The following CCDC57 variants were observed in gnomAD, a reference collection of about 807,000 sequenced individuals.
CCDC57 encodes the protein coiled-coil domain-containing protein 57.
Under a neutral mutation model 118.9 loss-of-function variants are expected in CCDC57, and 118 were observed. That is an observed-to-expected ratio of 0.99 (90% CI 0.86 to 1.16). The LOEUF (loss-of-function observed/expected upper bound fraction) is 1.16. CCDC57 is among the 50% of genes most tolerant of loss of function. The probability of loss-of-function intolerance (pLI) is 0.00; values close to 1 mark genes in which losing one functional copy is unlikely to be tolerated. For synonymous variants in CCDC57, 527 were observed against 532.9 expected (o/e 0.99, Z 0.15); for missense variants, 1,300 against 1,320.7 (o/e 0.98, Z 0.24).
At chr17:82,154,019 G>T (rs58472289) in intron 15 of CCDC57, 36,914 of 152,590 alleles carry the variant, frequency 0.24, 5,238 homozygotes, top group Non-Finnish European at 0.32. Flanking sequence ...AACGCCTCTC[G>T]GCAGAGCCAG....
At chr17:82,198,992 CA>C (rs34649384) in intron 3 of CCDC57, among the ~76,000 whole-genome samples, 37,474 of 86,394 alleles carry the variant, frequency 0.43, 4,375 homozygotes, top group East Asian at 0.72. Flanking sequence ...GACTCCATCT[CA>C]AAAAAAAAAA....
At position 82,172,942 on chromosome 17, in the gene CCDC57, C is replaced by G; in HGVS notation, c.1507-82G>C. 1 of 1,318,248 alleles carries G rather than the reference C, an allele frequency of 7.6e-7. No homozygotes were observed. The allele number at this position is 1,318,248 out of a possible 1,614,324, so 81.7% of individuals were successfully genotyped here. The stretch of plus-strand genomic sequence containing the variant: ...TGACAGGCTGTGCCTCCGCTCTCCC[C>G]GCGCCCCTCTCGGGCCGGTCCCCCG... On this transcript the variant is annotated intron_variant, in intron 11 of 19. Coordinates refer to ENST00000665763, the Ensembl canonical transcript of CCDC57. This position sits in a 1 kb window ranked among gnomAD's most constrained non-coding sequence, Gnocchi z 5.2.
rs546611030 is a variant in CCDC57, at chr17:82,106,620, C to T, written c.2900-4754G>A. ...GTGACAGGCAGCGGCTGAGCTGGGG[C>T]GACAGGAAGTGGCAGCTGTCTCCGC... is the stretch of plus-strand genomic sequence containing the variant. On this transcript the variant is annotated intron_variant, in intron 19 of 19. Transcript: ENST00000665763. The T allele has an allele frequency of 5.5e-4, 84 of 152,478 alleles. 1 individual carries two copies. The South Asian group carries it at 0.014, about 25-fold the overall frequency. 9.4% of individuals were successfully genotyped at this position (152,478 alleles called of 1,614,324 possible). A position where few individuals can be genotyped will look rare whatever the true frequency, so the allele number is the denominator to read the frequency against.
At chr17:82,103,302 C>CACAGTCAT (rs1307783884) in intron 19 of CCDC57, among the ~76,000 whole-genome samples, 2 of 152,146 alleles carry the variant, frequency 1.3e-5, no homozygotes, top group Admixed American at 6.5e-5. Context: ...GTTGGGGTCA[C>CACAGTCAT]ACAGTCCCTG....
chr17:82,194,079 T>A (rs373266285), exon 6 of CCDC57: 11 of 1,613,780 alleles, frequency 6.8e-6, no homozygotes, highest in African/African-American at 4.0e-5. Flanking sequence ...CTCTGCAGAC[T>A]CTCTGCAGCC....
chr17:82,186,467 A>G (rs889361582), intron 8 of CCDC57, among the ~76,000 whole-genome samples: 6 of 152,080 alleles, frequency 3.9e-5, no homozygotes, highest in Non-Finnish European at 5.9e-5. Context: ...CGCCCCGCAC[A>G]CCGACCGCAG....
chr17:82,163,931 T>C (rs1368454881), intron 13 of CCDC57, among the ~76,000 whole-genome samples: 1 of 152,140 alleles, frequency 6.6e-6, no homozygotes, highest in Admixed American at 6.5e-5. Context: ...TCTCATCACG[T>C]TGGGAGGCTG....
intron 19 of CCDC57, among the ~76,000 whole-genome samples, chr17:82,125,280 G>A (rs188566285): frequency 3.0e-3 from 457 of 152,286 alleles, no homozygotes; most frequent in Non-Finnish European, 5.4e-3. Flanking sequence ...ACTCACGCCT[G>A]CAGTCTCAGC....
chr17:82,121,674 G>A (rs886135369), intron 19 of CCDC57, among the ~76,000 whole-genome samples: 4 of 152,332 alleles, frequency 2.6e-5, no homozygotes, highest in African/African-American at 7.2e-5. Context: ...CCTGAGGCCC[G>A]TTGACCTGGG....
At position 82,172,341 on chromosome 17, in the gene CCDC57, G is replaced by A. The variant is rs1329941827; in HGVS notation, c.1729+297C>T. On this transcript the variant is annotated intron_variant, in intron 12 of 19. Transcript: ENST00000665763. The surrounding 1 kb of genome is among the most constrained non-coding windows in gnomAD (Gnocchi z 5.2). ...TGCTACCAACCCATTCTGGGACAGCGCGACAGCAAGCCAGCCCTGGTCCAG... is the reference window on the plus strand; with the variant it reads ...TGCTACCAACCCATTCTGGGACAGCACGACAGCAAGCCAGCCCTGGTCCAG... 2.0e-5 allele frequency among the ~76,000 whole-genome samples: 3 copies of A among 152,232 alleles called. No individual in the cohort carries two copies. The highest frequency in any genetic ancestry group is 4.4e-5 in the Non-Finnish European group (3 of 68,038).
intron 5 of CCDC57, 102 bp from the exon 5 acceptor site, chr17:82,194,241 A>T: frequency 8.1e-7 from 1 of 1,235,384 alleles, no homozygotes; most frequent in Non-Finnish European, 1.1e-6. Flanking sequence ...AGGGAGAAGA[A>T]AAATGAAAAT....
At chr17:82,151,521 A>T (rs2042070630) in intron 16 of CCDC57, 39 bp downstream of exon 15, 1 of 1,541,938 alleles carries the variant, frequency 6.5e-7, no homozygotes, top group Non-Finnish European at 8.8e-7. Flanking sequence ...CCAGAACCTG[A>T]CCCACACTCA....
rs1187152021 is a variant in CCDC57 at position 82,118,676 on chromosome 17, T to G, written c.2899+9016A>C. Among the ~76,000 whole-genome samples, 1 of 152,100 alleles carries G rather than the reference T, an allele frequency of 6.6e-6. No individual in the cohort carries two copies. Among genetic ancestry groups the G allele is most frequent in the Non-Finnish European group, 1.5e-5 (1 of 68,012 alleles). On this transcript the variant is annotated intron_variant, in intron 19 of 19. Transcript: ENST00000665763. This position sits in a 1 kb window ranked among gnomAD's most constrained non-coding sequence, Gnocchi z 4.7. ...TGAGGTCAGACATCTGCCTGGGTGCTTCTCTGGAACTGCCTTAGGGAGAGC... is the reference window on the plus strand; with the variant it reads ...TGAGGTCAGACATCTGCCTGGGTGCGTCTCTGGAACTGCCTTAGGGAGAGC...
At chr17:82,131,298 G>T (rs549863077) in intron 17 of CCDC57, among the ~76,000 whole-genome samples, 1 of 151,910 alleles carries the variant, frequency 6.6e-6, no homozygotes, top group South Asian at 2.1e-4. Context: ...GTGTCTGGTG[G>T]TGTGTGCCTG....
At chr17:82,196,735 G>A (rs182044083) in intron 4 of CCDC57, among the ~76,000 whole-genome samples, 7 of 152,002 alleles carry the variant, frequency 4.6e-5, no homozygotes, top group Admixed American at 4.6e-4. Flanking sequence ...TATTACACCT[G>A]CACCTGCAGA....
intron 16 of CCDC57, among the ~76,000 whole-genome samples, chr17:82,149,545 G>A (rs1375714034): frequency 6.6e-6 from 1 of 152,110 alleles, no homozygotes; most frequent in African/African-American, 2.4e-5. Context: ...TTGCTAACCT[G>A]CGGTGTTGTT....
intron 19 of CCDC57, among the ~76,000 whole-genome samples, chr17:82,120,417 C>A (rs866804599): frequency 1.1e-4 from 17 of 152,202 alleles, no homozygotes; most frequent in Non-Finnish European, 1.5e-4. Flanking sequence ...TTTCAGACTG[C>A]TTGTCTGGCG....
chr17:82,106,856 T>C (rs988954683), intron 19 of CCDC57, among the ~76,000 whole-genome samples: 1 of 152,016 alleles, frequency 6.6e-6, no homozygotes, highest in Non-Finnish European at 1.5e-5. Flanking sequence ...AAAGGGAACT[T>C]TCAAAAGGGG....
intron 7 of CCDC57, among the ~76,000 whole-genome samples, chr17:82,191,023 G>A (rs1599342795): frequency 6.6e-6 from 1 of 151,894 alleles, no homozygotes; most frequent in East Asian, 1.9e-4. Context: ...GATGAAGAAA[G>A]CTGTGTCTAG....
Sources: allele counts gnomAD v4.1 joint callset (sites outside exome capture counted in the v4.1 genomes callset), GRCh38; gene constraint gnomAD v4.1.1; non-coding constraint Gnocchi (gnomAD v3.1); transcripts MANE v1.5; gene names NCBI Gene and HGNC (gene_info 2026-07-23, HGNC 2026-07-21).